TMEM70: variants seen among roughly 807,000 people sequenced by gnomAD.
TMEM70 encodes transmembrane protein 70.
Under a neutral mutation model 20.5 loss-of-function variants are expected in TMEM70, and 15 were observed. That is an observed-to-expected ratio of 0.73 (90% CI 0.49 to 1.13). TMEM70 has a LOEUF of 1.13. Among genes scored for constraint, TMEM70 ranks in the 50% most tolerant of loss-of-function variants. TMEM70 has a pLI of 0.00. For missense variants in TMEM70, 344 were observed against 331.7 expected (o/e 1.04, Z -0.29); for synonymous variants, 141 against 134.2 (o/e 1.05, Z -0.35).
Position 73,976,481 on chromosome 8 carries a change from G to A in TMEM70, c.200G>A (p.Gly67Asp), listed in dbSNP as rs1227716037. The part of the protein sequence containing the change: ...SGAARLLRRP[G>D]RAQIPVYWEG... ...GCCGCGCGCCTTCTCCGGCGTCCGG[G>A]TCGAGCGCAGGTAGGGCGTCCGAGG... The change falls in exon 1 of 3, where the codon GGT becomes GAT. Residue 67 changes from glycine to aspartate, a missense_variant. Transcript: ENST00000312184. The A allele has an allele frequency of 3.3e-6, 5 of 1,535,656 alleles. No individual in the cohort carries two copies. The East Asian group carries it at 7.2e-5, about 22-fold the overall frequency.
intron 2 of TMEM70, 154 bp downstream of exon 2, chr8:73,979,015 A>G: frequency 1.1e-6 from 1 of 917,980 alleles, no homozygotes; most frequent in Non-Finnish European, 1.7e-6. Flanking sequence ...GTGTGTTGAT[A>G]AGATGTAGAG....
At chr8:73,978,628 T>G in intron 1 of TMEM70, 128 bp from the exon 2 acceptor site, 1 of 906,096 alleles carries the variant, frequency 1.1e-6, no homozygotes, top group Non-Finnish European at 1.7e-6. Context: ...AAGCAGAGGT[T>G]GCAATGGTGA....
intron 2 of TMEM70, among the ~76,000 whole-genome samples, chr8:73,980,609 C>T (rs1815767474): frequency 6.6e-6 from 1 of 152,066 alleles, no homozygotes; most frequent in African/African-American, 2.4e-5. Context: ...CTCAAATGAC[C>T]CACCTGCCTC....
chr8:73,976,601 G>A, intron 1 of TMEM70, 110 bp downstream of exon 1: 1 of 1,127,678 alleles, frequency 8.9e-7, no homozygotes, highest in East Asian at 2.7e-5. Flanking sequence ...GTCCGTGGCT[G>A]GAGCGCGGGA....
In TMEM70 at chr8:73,981,366, A is replaced by G. The variant is rs2131236840; in HGVS notation, c.528A>G (p.Thr176=). The change falls in exon 3 of 3, where the codon ACA becomes ACG. Residue 176 remains threonine, a synonymous_variant. Coordinates refer to ENST00000312184, the MANE Select transcript of TMEM70 (RefSeq NM_017866.6). Reference sequence around the variant, plus strand: ...TTCGATTGTACCATGAGGCCACAACAGACACTTATAAAGCCATTACCTACA... The same window carrying G: ...TTCGATTGTACCATGAGGCCACAACGGACACTTATAAAGCCATTACCTACA... The part of the protein sequence containing the change: ...YVIRLYHEAT[T]DTYKAITYNA... 1 of 1,614,226 alleles carries G rather than the reference A, an allele frequency of 6.2e-7. No homozygotes were observed. Among genetic ancestry groups the G allele is most frequent in the East Asian group, 2.2e-5 (1 of 44,884 alleles).
Position 73,978,832 on chromosome 8 carries a change from A to G in TMEM70, c.287A>G (p.Tyr96Cys). 1 of 1,614,162 alleles carries G rather than the reference A, an allele frequency of 6.2e-7. No homozygotes were observed. Among genetic ancestry groups the G allele is most frequent in the African/African-American group, 1.3e-5 (1 of 75,066 alleles). ...AAATCAGAAGATGGAAGGCTAATTT[A>G]TACTGGCAATATGGCCCGAGCAGTG... is the stretch of plus-strand genomic sequence containing the variant. Reference protein sequence around the residue: ...SDKSEDGRLIYTGNMARAVFG... With the variant: ...SDKSEDGRLICTGNMARAVFG... The change falls in exon 2 of 3, where the codon TAT (tyrosine) becomes TGT (cysteine). Residue 96 changes from tyrosine to cysteine, a missense_variant. Transcript: ENST00000312184.
chr8:73,981,728 A>C lies in TMEM70; in HGVS notation c.*107A>C, dbSNP rs764275704. 77 of 858,846 alleles carry C rather than the reference A, an allele frequency of 9.0e-5. 1 individual carries two copies. In the Middle Eastern group the frequency reaches 2.7e-3, roughly 30 times the overall value. The allele number at this position is 858,846 out of a possible 1,614,324, so 53.2% of individuals were successfully genotyped here. On this transcript the variant is annotated 3_prime_UTR_variant, in exon 3 of 3. Transcript: ENST00000312184. ...GACTGATTGTTAAAAATAATTTGAA[A>C]TTATCAAAGCTTTTAATTTCCAGAG... is the stretch of plus-strand genomic sequence containing the variant.
intron 2 of TMEM70, 71 bp from the exon 3 acceptor site, chr8:73,981,084 A>T: frequency 7.7e-7 from 1 of 1,290,562 alleles, no homozygotes; most frequent in Admixed American, 1.8e-5. Flanking sequence ...AAAATGGAAG[A>T]ATTAGTGGGA....
intron 1 of TMEM70, among the ~76,000 whole-genome samples, chr8:73,977,965 G>C (rs1815692695): frequency 6.6e-6 from 1 of 152,318 alleles, no homozygotes; most frequent in Middle Eastern, 3.4e-3. Context: ...CAGCTCTGCA[G>C]TTTTCTACTT....
intron 2 of TMEM70, among the ~76,000 whole-genome samples, chr8:73,980,068 C>A (rs1221301779): frequency 6.6e-6 from 1 of 151,984 alleles, no homozygotes; most frequent in East Asian, 1.9e-4. Flanking sequence ...AAAATGGTAT[C>A]TCAGTGTTTT....
chr8:73,981,441 G>T lies in TMEM70; in HGVS notation c.603G>T (p.Lys201Asn). The change falls in exon 3 of 3, where the codon AAG becomes AAT. Residue 201 changes from lysine (K) to asparagine (N), a missense_variant. By Grantham distance (94) the Lys-to-Asn change is moderately conservative. Coordinates refer to ENST00000312184, the MANE Select transcript of TMEM70 (RefSeq NM_017866.6). ...CAGTGTTTCACCAGAATGATGTGAAGATTCCAGATGCTAAACATGTATTTA... is the reference window on the plus strand; with the variant it reads ...CAGTGTTTCACCAGAATGATGTGAATATTCCAGATGCTAAACATGTATTTA... ...TSTVFHQNDV[K>N]IPDAKHVFTT... 1 of 1,614,224 alleles carries T rather than the reference G, an allele frequency of 6.2e-7. No homozygotes were observed. Among genetic ancestry groups the T allele is most frequent in the South Asian group, 1.1e-5 (1 of 91,088 alleles).
chr8:73,977,605 A>G (rs1815684631), intron 1 of TMEM70, among the ~76,000 whole-genome samples: 1 of 152,218 alleles, frequency 6.6e-6, no homozygotes, highest in Non-Finnish European at 1.5e-5. Flanking sequence ...CAGTATTTGT[A>G]AAAGGCCTGG....
intron 2 of TMEM70, 181 bp downstream of exon 2, chr8:73,979,042 A>T (rs986943405): frequency 2.6e-6 from 2 of 766,498 alleles, no homozygotes; most frequent in Non-Finnish European, 4.3e-6. Context: ...GCATTTTTAG[A>T]TTTTTATTTG....
Position 73,981,415 on chromosome 8 carries a change from A to G in TMEM70, c.577A>G (p.Thr193Ala). The G allele has an allele frequency of 6.2e-7, 1 of 1,614,178 alleles. No individual in the cohort carries two copies. Among genetic ancestry groups the G allele is most frequent in the Non-Finnish European group, 8.5e-7 (1 of 1,180,022 alleles). The change falls in exon 3 of 3, where the codon ACA (threonine) becomes GCA (alanine). Residue 193 changes from threonine (T) to alanine (A), a missense_variant. By Grantham distance (58) the Thr-to-Ala change is moderately conservative. Coordinates refer to ENST00000312184, the MANE Select transcript of TMEM70 (RefSeq NM_017866.6). ...TYNAMLAETS[T>A]VFHQNDVKIP... ...CAATGCTATGCTTGCAGAAACGAGT[A>G]CAGTGTTTCACCAGAATGATGTGAA...
chr8:73,978,670 G>A (rs1252727200), intron 1 of TMEM70, 86 bp from the exon 2 acceptor site: 1 of 1,412,144 alleles, frequency 7.1e-7, no homozygotes, highest in Non-Finnish European at 9.8e-7. Context: ...TCCAGTCTGG[G>A]AGACAGAGCA....
intron 1 of TMEM70, among the ~76,000 whole-genome samples, chr8:73,977,068 GAGGAATT>G (rs1347920446): frequency 6.6e-6 from 1 of 152,224 alleles, no homozygotes; most frequent in African/African-American, 2.4e-5. Context: ...TTTCAGCATT[GAGGAATT>G]AGGCATGCCT....
intron 2 of TMEM70, 110 bp downstream of exon 2, chr8:73,978,971 A>G (rs1426647986): frequency 4.5e-6 from 6 of 1,336,842 alleles, no homozygotes; most frequent in Non-Finnish European, 6.2e-6. Context: ...TACAAGACGT[A>G]AGGAAAATTA....
In TMEM70 at chr8:73,981,637, T is replaced by C. The variant is rs570931676; in HGVS notation, c.*16T>C. The stretch of plus-strand genomic sequence containing the variant: ...TGACAAATGAGCCTATTTGTTAGTG[T>C]TCGTGCTCAAATGTGATTTACGTTT... On this transcript the variant is annotated 3_prime_UTR_variant, in exon 3 of 3. Transcript: ENST00000312184. 8.3e-6 allele frequency: 13 copies of C among 1,568,076 alleles called. No homozygotes were observed. In the South Asian group the frequency reaches 1.3e-4, roughly 16 times the overall value.
chr8:73,976,365 G>C lies in TMEM70; in HGVS notation c.84G>C (p.Ala28=), dbSNP rs780673904. The C allele has an allele frequency of 6.3e-6, 10 of 1,598,202 alleles. No individual in the cohort carries two copies. In the Admixed American group the frequency reaches 1.3e-4, roughly 21 times the overall value. The change falls in exon 1 of 3, where the codon GCG becomes GCC. Residue 28 remains alanine (A), a synonymous_variant. Transcript: ENST00000312184. ...GGACTGCATTGTGTGCGGCCGCCGC[G>C]CTCCGAGGTCCCCGGGCCTCTGTCT... is the stretch of plus-strand genomic sequence containing the variant. ...GRRTALCAAA[A]LRGPRASVSR...
Sources: gnomAD v4.1 joint callset for allele counts (sites outside exome capture counted in the v4.1 genomes callset) on GRCh38, gnomAD v4.1.1 for gene constraint, MANE v1.5 for transcripts, NCBI Gene and HGNC (gene_info 2026-07-23, HGNC 2026-07-21) for gene names.